The following PLEKHG1 variants were observed in gnomAD, a reference collection of about 807,000 sequenced individuals.
PLEKHG1 encodes pleckstrin homology and RhoGEF domain containing G1.
Under a neutral mutation model 100.8 loss-of-function variants are expected in PLEKHG1, and 44 were observed. The observed-to-expected ratio is 0.44, with a 90% confidence interval of 0.34 to 0.56. The LOEUF is 0.56. PLEKHG1 is among the 20% of genes least tolerant of loss of function. The pLI, the probability that PLEKHG1 is intolerant of heterozygous loss-of-function variation, is 0.01. For missense variants in PLEKHG1, 1,545 were observed against 1,720.9 expected (o/e 0.90, Z 1.81); for synonymous variants, 640 against 662.5 (o/e 0.97, Z 0.52).
At chr6:150,836,186 G>A (rs1777212964) in intron 15 of PLEKHG1, among the ~76,000 whole-genome samples, 1 of 152,070 alleles carries the variant, frequency 6.6e-6, no homozygotes, top group African/African-American at 2.4e-5. Context: ...AGACCAGCCT[G>A]GTCAACATGG....
At chr6:150,736,843 C>T (rs1250738020) in intron 2 of PLEKHG1, among the ~76,000 whole-genome samples, 1 of 151,714 alleles carries the variant, frequency 6.6e-6, no homozygotes, top group Non-Finnish European at 1.5e-5. Flanking sequence ...AAAAAAAAAA[C>T]CTTAATGAGT....
chr6:150,809,222 T>C, exon 8 of PLEKHG1: 1 of 1,614,224 alleles, frequency 6.2e-7, no homozygotes, highest in South Asian at 1.1e-5. Flanking sequence ...GCTCTTCCTC[T>C]TCGACAAGCT....
intron 10 of PLEKHG1, among the ~76,000 whole-genome samples, chr6:150,814,611 G>C (rs1430576010): frequency 6.6e-6 from 1 of 152,000 alleles, no homozygotes; most frequent in African/African-American, 2.4e-5. Flanking sequence ...AACTGCCCAA[G>C]TTTATATAAC....
upstream of PLEKHG1, among the ~76,000 whole-genome samples, chr6:150,717,888 C>T (rs1781502958): frequency 1.3e-5 from 2 of 152,058 alleles, no homozygotes; most frequent in South Asian, 4.2e-4. Context: ...CCCGCCTCGA[C>T]AATATGGGGA....
At chr6:150,815,835 T>G (rs1332318353) in intron 10 of PLEKHG1, among the ~76,000 whole-genome samples, 2 of 152,174 alleles carry the variant, frequency 1.3e-5, no homozygotes, top group African/African-American at 4.8e-5. Context: ...CCTTAAAAAA[T>G]GAAAATAACT....
chr6:150,739,257 G>T (rs1239306661), intron 2 of PLEKHG1, among the ~76,000 whole-genome samples: 2 of 151,826 alleles, frequency 1.3e-5, no homozygotes, highest in African/African-American at 4.9e-5. Context: ...AGGACATTTA[G>T]TGAAAAAAGG....
At chr6:150,751,717 A>G (rs1783520938) in intron 2 of PLEKHG1, among the ~76,000 whole-genome samples, 1 of 152,238 alleles carries the variant, frequency 6.6e-6, no homozygotes, top group Non-Finnish European at 1.5e-5. Context: ...CCAAGGAGCC[A>G]GAGGAAAGAA....
At chr6:150,644,516 G>A (rs1392674206) in intron 2 of PLEKHG1, among the ~76,000 whole-genome samples, 4 of 151,734 alleles carry the variant, frequency 2.6e-5, no homozygotes, top group Non-Finnish European at 4.4e-5. Flanking sequence ...ATTTTTAGTA[G>A]AGTCAGGGCT....
rs915265940 is a variant in PLEKHG1 at position 150,824,679 on chromosome 6, G to A, written c.1470+1003G>A. ...CTAGTAGCTTGGACTACAGGCACCCGCCACTAGGCCCAGCTGATTTTTGTA... is the reference window on the plus strand; with the variant it reads ...CTAGTAGCTTGGACTACAGGCACCCACCACTAGGCCCAGCTGATTTTTGTA... On this transcript the variant is annotated intron_variant, in intron 14 of 15. Transcript: ENST00000358517. Among the ~76,000 whole-genome samples, 4 of 151,434 alleles carry A rather than the reference G, an allele frequency of 2.6e-5. No homozygotes were observed. The South Asian group carries it at 6.3e-4, about 24-fold the overall frequency.
At chr6:150,710,121 C>T (rs1332526120) in intron 3 of PLEKHG1, among the ~76,000 whole-genome samples, 1 of 152,134 alleles carries the variant, frequency 6.6e-6, no homozygotes, top group African/African-American at 2.4e-5. Flanking sequence ...TTGTTATGCC[C>T]TAATTTGTAG....
intron 2 of PLEKHG1, among the ~76,000 whole-genome samples, chr6:150,641,272 C>T (rs927857690): frequency 6.6e-6 from 1 of 152,048 alleles, no homozygotes; most frequent in Non-Finnish European, 1.5e-5. Flanking sequence ...TCTAAACTGG[C>T]AAGATAGATT....
intron 4 of PLEKHG1, among the ~76,000 whole-genome samples, chr6:150,787,521 C>G (rs1000388241): frequency 1.3e-5 from 2 of 152,190 alleles, no homozygotes; most frequent in Admixed American, 1.3e-4. Flanking sequence ...AGCAAACTTT[C>G]ATGTGGTTTC....
exon 3 of PLEKHG1, chr6:150,768,667 A>G (rs1784561720): frequency 6.2e-7 from 1 of 1,612,762 alleles, no homozygotes; most frequent in South Asian, 1.1e-5. Flanking sequence ...GGGACCAAAC[A>G]AAACTTCCCC....
At chr6:150,748,333 T>A (rs574236077) in intron 2 of PLEKHG1, among the ~76,000 whole-genome samples, 2 of 152,342 alleles carry the variant, frequency 1.3e-5, no homozygotes, top group African/African-American at 2.4e-5. Flanking sequence ...TTCAATTTAC[T>A]AGAACCACAC....
exon 16 of PLEKHG1, chr6:150,841,022 C>T (rs1562574332): frequency 1.3e-6 from 1 of 778,236 alleles, no homozygotes; most frequent in East Asian, 2.6e-5. Context: ...GTAAAATATA[C>T]TTTCTTTTAC....
At chr6:150,701,417 TTATATATATATATATATA>T (rs56982419) in intron 3 of PLEKHG1, among the ~76,000 whole-genome samples, 4,093 of 31,146 alleles carry the variant, frequency 0.13, 257 homozygotes, top group Admixed American at 0.21. Context: ...CAGTAATTCT[TTATATATATATATATATA>T]TATATATATA....
chr6:150,693,937 GT>G (rs1324583568), intron 3 of PLEKHG1, among the ~76,000 whole-genome samples: 1 of 152,208 alleles, frequency 6.6e-6, no homozygotes, highest in Non-Finnish European at 1.5e-5. Flanking sequence ...TCGCGTGATA[GT>G]TTAGAAGTCA....
chr6:150,761,079 A>T (rs1272300343), intron 2 of PLEKHG1, among the ~76,000 whole-genome samples: 1 of 149,406 alleles, frequency 6.7e-6, no homozygotes, highest in African/African-American at 2.5e-5. Flanking sequence ...AATGAAAACA[A>T]TTGATTTCTT....
At chr6:150,737,613 G>A (rs1172118915) in intron 2 of PLEKHG1, among the ~76,000 whole-genome samples, 1 of 152,034 alleles carries the variant, frequency 6.6e-6, no homozygotes, top group African/African-American at 2.4e-5. Flanking sequence ...TTAAAACATA[G>A]AATATCAACT....
Sources: allele counts gnomAD v4.1 joint callset (sites outside exome capture counted in the v4.1 genomes callset), GRCh38; gene constraint gnomAD v4.1.1; transcripts MANE v1.5; gene names NCBI Gene and HGNC (gene_info 2026-07-23, HGNC 2026-07-21).